Variants in TUSC3 observed in about 807,000 individuals in gnomAD.
The protein encoded by TUSC3 is dolichyl-diphosphooligosaccharide--protein glycosyltransferase subunit TUSC3.
In TUSC3, 45 loss-of-function variants were observed where a neutral mutation model predicts 44.8. The ratio of observed to expected loss-of-function variants is 1.00; its 90% CI spans 0.79 to 1.29. TUSC3 has a LOEUF of 1.29. Ranked by LOEUF, TUSC3 falls within the 50% of genes most tolerant of loss-of-function variation. The pLI, the probability that TUSC3 is intolerant of heterozygous loss-of-function variation, is 0.00. For missense variants in TUSC3, 519 were observed against 437.9 expected (o/e 1.19, Z -1.65); for synonymous variants, 212 against 152.9 (o/e 1.39, Z -2.85).
At chr8:15,710,820 G>A (rs1051154555) in intron 6 of TUSC3, among the ~76,000 whole-genome samples, 2 of 147,160 alleles carry the variant, frequency 1.4e-5, no homozygotes, top group South Asian at 4.2e-4. Context: ...TGCATGAAGT[G>A]AATTTATAAA....
intron 1 of TUSC3, among the ~76,000 whole-genome samples, chr8:15,455,842 T>G (rs1228499579): frequency 6.6e-6 from 1 of 152,196 alleles, no homozygotes; most frequent in African/African-American, 2.4e-5. Context: ...TTCATAAAGC[T>G]AATGAGAGAC....
At chr8:15,419,391 T>C (rs141712048) in intron 1 of TUSC3, among the ~76,000 whole-genome samples, 40 of 152,334 alleles carry the variant, frequency 2.6e-4, no homozygotes, top group Non-Finnish European at 4.9e-4. Context: ...GTATATCTTA[T>C]TGCTGAAGTC....
intron 2 of TUSC3, among the ~76,000 whole-genome samples, chr8:15,511,371 A>G (rs1801133731): frequency 6.6e-6 from 1 of 152,230 alleles, no homozygotes; most frequent in African/African-American, 2.4e-5. Context: ...GATTATGCAT[A>G]TAAATAGAAA....
At chr8:15,689,010 C>G (rs1028315295) in intron 6 of TUSC3, 1 of 252,960 alleles carries the variant, frequency 4.0e-6, no homozygotes, top group African/African-American at 2.3e-5. Context: ...GTCAAACAAC[C>G]GGGCCACCTG....
intron 6 of TUSC3, among the ~76,000 whole-genome samples, chr8:15,680,514 C>A (rs1460568041): frequency 6.6e-6 from 1 of 152,070 alleles, no homozygotes; most frequent in Non-Finnish European, 1.5e-5. Flanking sequence ...TTTCTAGATA[C>A]AGAATCATAT....
chr8:15,617,139 T>TGTGTGTGTGTG (rs772712798), intron 1 of TUSC3, among the ~76,000 whole-genome samples: 1 of 60,192 alleles, frequency 1.7e-5, no homozygotes, highest in African/African-American at 5.9e-5. Context: ...TGTGTATATA[T>TGTGTGTGTGTG]TTTTTTTTTT....
intron 1 of TUSC3, among the ~76,000 whole-genome samples, chr8:15,582,973 T>G (rs913660309): frequency 6.6e-6 from 1 of 152,204 alleles, no homozygotes; most frequent in Non-Finnish European, 1.5e-5. Context: ...AATCAAATCT[T>G]ACATTTAGAG....
At chr8:15,664,354 C>CAT (rs1167777158) in intron 5 of TUSC3, among the ~76,000 whole-genome samples, 3 of 151,332 alleles carry the variant, frequency 2.0e-5, no homozygotes, top group African/African-American at 7.3e-5. Context: ...CAAATAAATT[C>CAT]ATAGAAGAAC....
the TUSC3 span, among the ~76,000 whole-genome samples, chr8:15,789,718 AG>A: frequency 5.9e-5 from 9 of 152,194 alleles, no homozygotes; most frequent in Non-Finnish European, 1.3e-4. Context: ...ATTTGCCAGG[AG>A]CCAAGAACTA....
intron 7 of TUSC3, chr8:15,733,746 A>G (rs1810819376): frequency 6.5e-6 from 1 of 153,216 alleles, no homozygotes; most frequent in Non-Finnish European, 1.5e-5. Context: ...TGGTGGACTC[A>G]TTATCAGTGA....
chr8:15,637,222 C>T (rs905462990), intron 2 of TUSC3, among the ~76,000 whole-genome samples: 6 of 149,836 alleles, frequency 4.0e-5, no homozygotes, highest in Non-Finnish European at 8.9e-5. Context: ...TAAAATCCAC[C>T]CCATTCCCTC....
intron 1 of TUSC3, among the ~76,000 whole-genome samples, chr8:15,432,283 A>G (rs776518346): frequency 5.3e-5 from 8 of 151,810 alleles, no homozygotes; most frequent in Non-Finnish European, 1.2e-4. Flanking sequence ...TACTGATTCA[A>G]TCTCCTTACT....
In TUSC3 at chr8:15,658,657, C is replaced by CACACACACACACAT. The variant is rs1186873286; in HGVS notation, c.427-847_427-846insCACACACACATACA. On this transcript the variant is annotated intron_variant, in intron 3 of 10. Coordinates refer to ENST00000503731, the MANE Select transcript of TUSC3 (RefSeq NM_006765.4). ...ATATATATACACACACACACACACA[C>CACACACACACACAT]ACAAATACAATATATATACACATAC... is the stretch of plus-strand genomic sequence containing the variant. 1.4e-3 allele frequency among the ~76,000 whole-genome samples: 207 copies of CACACACACACACAT among 150,712 alleles called. 1 individual carries two copies. The highest frequency in any genetic ancestry group is 4.8e-3 in the African/African-American group (198 of 40,842).
chr8:15,533,746 A>T (rs1298409777), intron 2 of TUSC3, among the ~76,000 whole-genome samples: 1 of 152,224 alleles, frequency 6.6e-6, no homozygotes, highest in Non-Finnish European at 1.5e-5. Context: ...TTAAGGTTTC[A>T]GGGCGAGAGA....
At chr8:15,758,184 C>T in intron 10 of TUSC3, 1 of 1,035,682 alleles carries the variant, frequency 9.7e-7, no homozygotes, top group Non-Finnish European at 1.2e-6. Context: ...ATATTTCATT[C>T]TATCTAGGAA....
At chr8:15,422,338 C>G (rs1297013709) in intron 1 of TUSC3, among the ~76,000 whole-genome samples, 1 of 152,132 alleles carries the variant, frequency 6.6e-6, no homozygotes, top group Non-Finnish European at 1.5e-5. Flanking sequence ...TAACCTAATA[C>G]CACATGGTAT....
intron 1 of TUSC3, among the ~76,000 whole-genome samples, chr8:15,613,201 A>G (rs118136301): frequency 0.027 from 4,111 of 150,510 alleles, 83 homozygotes; most frequent in Non-Finnish European, 0.044. Flanking sequence ...AAATTTGGGG[A>G]CAATGGGATT....
chr8:15,741,945 A>G (rs1401456168), intron 7 of TUSC3, among the ~76,000 whole-genome samples: 2 of 152,164 alleles, frequency 1.3e-5, no homozygotes, highest in Admixed American at 6.5e-5. Context: ...TAGTGAAACA[A>G]GTTTTTAATT....
At chr8:15,469,434 G>T (rs1032694151) in intron 1 of TUSC3, among the ~76,000 whole-genome samples, 15 of 152,128 alleles carry the variant, frequency 9.9e-5, no homozygotes, top group African/African-American at 3.4e-4. Flanking sequence ...CATGAAAAAT[G>T]CAAATTAAGA....
Sources: allele counts gnomAD v4.1 joint callset (sites outside exome capture counted in the v4.1 genomes callset), GRCh38; gene constraint gnomAD v4.1.1; transcripts MANE v1.5; gene names NCBI Gene and HGNC (gene_info 2026-07-23, HGNC 2026-07-21).